Variants in RUNX2 observed in about 807,000 individuals in gnomAD.
RUNX2 encodes the protein runt-related transcription factor 2.
RUNX2 carries 10 observed loss-of-function variants against 51.7 expected under a neutral mutation model. The ratio of observed to expected loss-of-function variants is 0.19; its 90% CI spans 0.12 to 0.33. RUNX2 has a LOEUF of 0.33. Ranked by LOEUF, RUNX2 falls within the 10% of genes least tolerant of loss-of-function variation. The pLI, the probability that RUNX2 is intolerant of heterozygous loss-of-function variation, is 1.00. For missense variants in RUNX2, 562 were observed against 691.3 expected (o/e 0.81, Z 2.10); for synonymous variants, 276 against 273.6 (o/e 1.01, Z -0.09).
intron 5 of RUNX2, among the ~76,000 whole-genome samples, chr6:45,441,638 A>G (rs1798844652): frequency 6.6e-6 from 1 of 152,248 alleles, no homozygotes; most frequent in Admixed American, 6.5e-5. Flanking sequence ...GATAACATCT[A>G]TAGATTCTGT....
chr6:45,513,077 G>A (rs918457874), intron 7 of RUNX2, among the ~76,000 whole-genome samples: 3 of 152,156 alleles, frequency 2.0e-5, no homozygotes, highest in Admixed American at 6.5e-5. Flanking sequence ...TGGCCCATGG[G>A]GAGAGTGTGT....
At chr6:45,397,003 A>G (rs1021829590) in intron 2 of RUNX2, among the ~76,000 whole-genome samples, 1 of 152,180 alleles carries the variant, frequency 6.6e-6, no homozygotes, top group African/African-American at 2.4e-5. Context: ...ATTTTTGTGT[A>G]GATATGTGTA....
At chr6:45,435,096 A>T (rs1273503847) in intron 4 of RUNX2, among the ~76,000 whole-genome samples, 1 of 152,220 alleles carries the variant, frequency 6.6e-6, no homozygotes, top group Non-Finnish European at 1.5e-5. Flanking sequence ...GGCAGATCAT[A>T]GTTATACTTA....
intron 5 of RUNX2, among the ~76,000 whole-genome samples, chr6:45,471,821 A>C (rs967020261): frequency 6.6e-6 from 1 of 152,200 alleles, no homozygotes; most frequent in Admixed American, 6.5e-5. Flanking sequence ...GGTATTGTCT[A>C]TTAATGGTTA....
At chr6:45,422,478 T>TTCC in intron 2 of RUNX2, 115 bp from the exon 3 acceptor site, 23 of 569,500 alleles carry the variant, frequency 4.0e-5, no homozygotes, top group South Asian at 1.1e-4. Context: ...CCATCCTCTT[T>TTCC]CCCCCCGTCT....
intron 5 of RUNX2, among the ~76,000 whole-genome samples, chr6:45,480,917 G>A (rs1800095173): frequency 6.6e-6 from 1 of 152,088 alleles, no homozygotes; most frequent in African/African-American, 2.4e-5. Flanking sequence ...CCAGGCTGTG[G>A]GAGTTGGCTG....
At chr6:45,403,809 CAT>C (rs1797772328) in intron 2 of RUNX2, among the ~76,000 whole-genome samples, 1 of 152,030 alleles carries the variant, frequency 6.6e-6, no homozygotes, top group Admixed American at 6.6e-5. Flanking sequence ...AACAAACAAA[CAT>C]GTAATTATAT....
chr6:45,372,921 G>A (rs1446123155), intron 2 of RUNX2, among the ~76,000 whole-genome samples: 4 of 151,990 alleles, frequency 2.6e-5, no homozygotes, highest in Admixed American at 2.0e-4. Flanking sequence ...GGGTTCAAGC[G>A]ATTCTGATGT....
chr6:45,363,501 T>C (rs1383901562), intron 2 of RUNX2, among the ~76,000 whole-genome samples: 4 of 152,134 alleles, frequency 2.6e-5, no homozygotes, highest in African/African-American at 7.2e-5. Flanking sequence ...GTTTGAAAAT[T>C]CCCAAATTAA....
At chr6:45,439,673 G>A (rs1400284665) in intron 5 of RUNX2, among the ~76,000 whole-genome samples, 1 of 151,830 alleles carries the variant, frequency 6.6e-6, no homozygotes, top group Non-Finnish European at 1.5e-5. Context: ...GTGTGCGTGT[G>A]TGTGTGTGTG....
chr6:45,410,838 C>T (rs940908679), intron 2 of RUNX2, among the ~76,000 whole-genome samples: 34 of 152,264 alleles, frequency 2.2e-4, no homozygotes, highest in African/African-American at 8.2e-4. Flanking sequence ...ACATGCTGAC[C>T]TTGAAGGGTT....
chr6:45,463,290 T>C (rs1313871715), intron 5 of RUNX2, among the ~76,000 whole-genome samples: 4 of 152,208 alleles, frequency 2.6e-5, no homozygotes, highest in African/African-American at 9.6e-5. Context: ...AGGAAAAGTC[T>C]GTACAAGGAG....
intron 2 of RUNX2, among the ~76,000 whole-genome samples, chr6:45,354,380 A>G (rs112922549): frequency 0.021 from 3,185 of 152,320 alleles, 116 homozygotes; most frequent in African/African-American, 0.072. Flanking sequence ...ATGACTAAAA[A>G]TTACTAAGAA....
intron 2 of RUNX2, among the ~76,000 whole-genome samples, chr6:45,332,346 G>GTA (rs149380813): frequency 0.21 from 32,202 of 150,740 alleles, 4,313 homozygotes; most frequent in Non-Finnish European, 0.31. Flanking sequence ...TACCTCAACT[G>GTA]TATATATATA....
intron 2 of RUNX2, among the ~76,000 whole-genome samples, chr6:45,401,696 G>A (rs779668057): frequency 1.3e-5 from 2 of 152,226 alleles, no homozygotes; most frequent in Non-Finnish European, 1.5e-5. Context: ...TGGACTGTGT[G>A]ACTGACTGTT....
At chr6:45,463,712 A>G (rs373010703) in intron 5 of RUNX2, among the ~76,000 whole-genome samples, 1 of 152,066 alleles carries the variant, frequency 6.6e-6, no homozygotes, top group Non-Finnish European at 1.5e-5. Context: ...AGAATAGGGT[A>G]TCTCAGTTTA....
intron 2 of RUNX2, among the ~76,000 whole-genome samples, chr6:45,367,776 T>C (rs1328371711): frequency 2.0e-5 from 3 of 152,186 alleles, no homozygotes; most frequent in Admixed American, 6.6e-5. Context: ...TCTGCTCCTT[T>C]TTCATTTTCA....
At chr6:45,500,461 T>C (rs188488363) in intron 6 of RUNX2, among the ~76,000 whole-genome samples, 139 of 152,266 alleles carry the variant, frequency 9.1e-4, no homozygotes, top group African/African-American at 3.2e-3. Flanking sequence ...AAAGACAAGA[T>C]TTAACGGAAG....
chr6:45,438,060 T>G lies in RUNX2; in HGVS notation c.685+9T>G. On this transcript the variant is annotated intron_variant, in intron 5 of 8. Transcript: ENST00000647337. ...ACCTCGGGAACCCAGAAGTAAGTAC[T>G]CCCCTTTTTATTGAAGAAAGTAATA... 1 of 1,516,114 alleles carries G rather than the reference T, an allele frequency of 6.6e-7. No individual in the cohort carries two copies. Among genetic ancestry groups the G allele is most frequent in the Non-Finnish European group, 9.2e-7 (1 of 1,091,278 alleles). 93.9% of individuals were successfully genotyped at this position (1,516,114 alleles called of 1,614,324 possible).
Sources: gnomAD v4.1 joint callset for allele counts (sites outside exome capture counted in the v4.1 genomes callset) on GRCh38, gnomAD v4.1.1 for gene constraint, MANE v1.5 for transcripts, NCBI Gene and HGNC (gene_info 2026-07-23, HGNC 2026-07-21) for gene names.